The following SNX31 variants were observed in gnomAD, a reference collection of about 807,000 sequenced individuals.
SNX31 encodes the protein sorting nexin 31.
In SNX31, 58 loss-of-function variants were observed where a neutral mutation model predicts 65.4. The observed-to-expected ratio is 0.89, with a 90% confidence interval of 0.72 to 1.10. SNX31 has a LOEUF of 1.10. Ranked by LOEUF, SNX31 falls within the 50% of genes least tolerant of loss-of-function variation. SNX31 has a pLI of 0.00. For synonymous variants in SNX31, 181 were observed against 190.1 expected, an observed-to-expected ratio of 0.95 and a Z score of 0.39; for missense variants, 523 against 529.7, an observed-to-expected ratio of 0.99 and a Z score of 0.12.
intron 4 of SNX31, among the ~76,000 whole-genome samples, chr8:100,621,414 T>C (rs927157246): frequency 3.9e-5 from 6 of 152,212 alleles, no homozygotes; most frequent in African/African-American, 1.4e-4. Context: ...GAGTTAATAT[T>C]TGACTTACTG....
In SNX31 at chr8:100,660,762, A is replaced by C. The variant is rs922004666; in HGVS notation, c.-58+2380T>G. Among the ~76,000 whole-genome samples, 1 of 152,226 alleles carries C rather than the reference A, an allele frequency of 6.6e-6. No homozygotes were observed. The highest frequency in any genetic ancestry group is 2.4e-5 in the African/African-American group (1 of 41,450). Reference sequence around the variant, plus strand: ...CACAGACCCCAACGATTAGCCATAAAATGAGCTCACAAAGGCATTTACACT... The same window carrying C: ...CACAGACCCCAACGATTAGCCATAACATGAGCTCACAAAGGCATTTACACT... On this transcript the variant is annotated intron_variant, in intron 1 of 5. Coordinates refer to the SNX31 transcript ENST00000520352. This position sits in a 1 kb window ranked among gnomAD's most constrained non-coding sequence, Gnocchi z 4.1.
rs562418597 is a variant in SNX31 at position 100,644,735 on chromosome 8, G to A, written c.141+4539C>T. On this transcript the variant is annotated intron_variant, in intron 2 of 13. Coordinates refer to ENST00000311812, the MANE Select transcript of SNX31 (RefSeq NM_152628.4). ...CCTGGAGTGCAGTGGTGGGATCTCA[G>A]CTCACTGCAATCTGTGCCTCCTGGG... Among the ~76,000 whole-genome samples the A allele has an allele frequency of 4.6e-5, 7 of 152,352 alleles. No homozygotes were observed. The South Asian group carries it at 8.3e-4, about 18-fold the overall frequency.
At chr8:100,619,247 G>A (rs1446865902) in intron 4 of SNX31, 1 of 152,140 alleles carries the variant, frequency 6.6e-6, no homozygotes, top group East Asian at 1.9e-4. Flanking sequence ...AGATCAAATT[G>A]GTTTTGTATT....
intron 2 of SNX31, among the ~76,000 whole-genome samples, chr8:100,643,210 C>G (rs1587077359): frequency 5.2e-5 from 3 of 57,542 alleles, no homozygotes. Flanking sequence ...CAAAACAAAA[C>G]AGAAACAAAC....
chr8:100,652,262 G>C (rs1310457254), upstream of SNX31, among the ~76,000 whole-genome samples: 7 of 152,190 alleles, frequency 4.6e-5, no homozygotes, highest in East Asian at 1.3e-3. Context: ...ACAGGTGTGA[G>C]CCACCGCGCC....
chr8:100,590,272 C>T (rs1814451274), intron 10 of SNX31, among the ~76,000 whole-genome samples: 2 of 152,158 alleles, frequency 1.3e-5, no homozygotes, highest in Non-Finnish European at 2.9e-5. Context: ...GGGCAACAGA[C>T]ATTATCCTAA....
intron 1 of SNX31, 47 bp from the exon 2 acceptor site, chr8:100,649,395 G>A (rs1434104260): frequency 5.6e-6 from 9 of 1,610,190 alleles, no homozygotes; most frequent in Non-Finnish European, 6.8e-6. Context: ...AGGGATAAGT[G>A]AGCATTGCCA....
At chr8:100,654,598 T>C (rs1820027461), upstream of SNX31, among the ~76,000 whole-genome samples, 1 of 152,232 alleles carries the variant, frequency 6.6e-6, no homozygotes, top group Admixed American at 6.5e-5. Context: ...AATCGAGCCA[T>C]GGCAGAAGTG....
At position 100,612,189 on chromosome 8, in the gene SNX31, T is replaced by A; in HGVS notation, c.524-102A>T. ...AATAAAACCTTATTATTGGAAATAATAAAATCACAGTAAGAATATCCTCTG... is the reference window on the plus strand; with the variant it reads ...AATAAAACCTTATTATTGGAAATAAAAAAATCACAGTAAGAATATCCTCTG... On this transcript the variant is annotated intron_variant, in intron 6 of 13. Transcript: ENST00000311812. The surrounding 1 kb of genome is among the most constrained non-coding windows in gnomAD (Gnocchi z 4.3). The A allele has an allele frequency of 1.4e-6, 1 of 712,886 alleles. No individual in the cohort carries two copies. Among genetic ancestry groups the A allele is most frequent in the Non-Finnish European group, 2.4e-6 (1 of 416,780 alleles). 44.2% of individuals were successfully genotyped at this position (712,886 alleles called of 1,614,324 possible). A position where few individuals can be genotyped will look rare whatever the true frequency, so the allele number is the denominator to read the frequency against.
At chr8:100,599,554 T>G (rs1815421365) in intron 9 of SNX31, among the ~76,000 whole-genome samples, 1 of 152,092 alleles carries the variant, frequency 6.6e-6, no homozygotes, top group African/African-American at 2.4e-5. Context: ...TTTTTGCAGT[T>G]CATCAGTAAA....
intron 1 of SNX31, among the ~76,000 whole-genome samples, chr8:100,662,325 C>T (rs1354838634): frequency 6.6e-6 from 1 of 152,236 alleles, no homozygotes; most frequent in Non-Finnish European, 1.5e-5. Flanking sequence ...GCTATGATCA[C>T]TCAGCAATGC....
chr8:100,636,085 T>C (rs1215293264), intron 2 of SNX31, 74 bp from the exon 3 acceptor site: 3 of 1,047,744 alleles, frequency 2.9e-6, no homozygotes, highest in Admixed American at 1.9e-5. Context: ...TAAAGTCTCC[T>C]TTAGGGCAAG....
At chr8:100,637,933 T>A (rs1231323109) in intron 2 of SNX31, among the ~76,000 whole-genome samples, 1 of 152,190 alleles carries the variant, frequency 6.6e-6, no homozygotes, top group African/African-American at 2.4e-5. Context: ...TGACCTCAGG[T>A]GATCTGGCTG....
intron 4 of SNX31, among the ~76,000 whole-genome samples, chr8:100,624,259 A>C (rs950809741): frequency 2.6e-5 from 4 of 152,180 alleles, no homozygotes; most frequent in African/African-American, 4.8e-5. Context: ...AGTCCTGGGC[A>C]ACATAGTGAG....
rs1336292813 is a variant in SNX31, at chr8:100,573,902, T to A, written c.1286A>T (p.Asp429Val). Residue 429 changes from aspartate (D) to valine (V), a missense_variant, in exon 14 of 14, where the codon GAC becomes GTC. By Grantham distance (152) the Asp-to-Val change is radical. Coordinates refer to ENST00000311812, the MANE Select transcript of SNX31 (RefSeq NM_152628.4). ...TTCCTTTATGTTCCCAAAAACGCAG[T>A]CATCTTTAGCTATCTTAATCTTGCT... ...RKSKIKIAKD[D>V]CVFGNIKEED... 1 of 1,587,172 alleles carries A rather than the reference T, an allele frequency of 6.3e-7. No homozygotes were observed. Among genetic ancestry groups the A allele is most frequent in the African/African-American group, 1.4e-5 (1 of 73,518 alleles).
At chr8:100,631,774 T>C (rs1818433266) in intron 3 of SNX31, among the ~76,000 whole-genome samples, 2 of 152,136 alleles carry the variant, frequency 1.3e-5, no homozygotes, top group Non-Finnish European at 2.9e-5. Context: ...TTCTGAGGGG[T>C]AATTCCCGGA....
At chr8:100,608,378 T>C in intron 8 of SNX31, 116 bp downstream of exon 8, 1 of 863,576 alleles carries the variant, frequency 1.2e-6, no homozygotes, top group Non-Finnish European at 1.9e-6. Context: ...TCTCTATGAA[T>C]GTGCCTGTTT....
rs1358621825 is a variant in SNX31, at chr8:100,573,195, C to A, written c.*670G>T. The A allele has an allele frequency of 8.7e-5, 13 of 149,056 alleles. No individual in the cohort carries two copies. Among genetic ancestry groups the A allele is most frequent in the Non-Finnish European group, 1.6e-4 (11 of 67,986 alleles). 9.2% of individuals were successfully genotyped at this position (149,056 alleles called of 1,614,324 possible). A position where few individuals can be genotyped will look rare whatever the true frequency, so the allele number is the denominator to read the frequency against. On this transcript the variant is annotated 3_prime_UTR_variant, in exon 14 of 14. Transcript: ENST00000311812. ...AATAGCATGTTGATTATTGAACTGC[C>A]TTCAGTACTCTAAGGACAGAATAAA...
intron 2 of SNX31, among the ~76,000 whole-genome samples, chr8:100,643,355 A>T (rs1418502141): frequency 1.3e-5 from 2 of 151,892 alleles, no homozygotes; most frequent in Non-Finnish European, 2.9e-5. Flanking sequence ...ACCCCCCTAT[A>T]CCTATGCCAA....
Sources: allele counts gnomAD v4.1 joint callset (sites outside exome capture counted in the v4.1 genomes callset), GRCh38; gene constraint gnomAD v4.1.1; non-coding constraint Gnocchi (gnomAD v3.1); transcripts MANE v1.5; gene names NCBI Gene and HGNC (gene_info 2026-07-23, HGNC 2026-07-21).